CCDC102A: variants seen among roughly 807,000 people sequenced by gnomAD.
The protein encoded by CCDC102A is coiled-coil domain-containing protein 102A.
In CCDC102A, 40 loss-of-function variants were observed where a neutral mutation model predicts 55.5. That is an observed-to-expected ratio of 0.72 (90% CI 0.56 to 0.94). The LOEUF (loss-of-function observed/expected upper bound fraction) is 0.94, where lower values mean the gene tolerates loss of function less well. CCDC102A is among the 40% of genes least tolerant of loss of function. The pLI, the probability that CCDC102A is intolerant of heterozygous loss-of-function variation, is 0.00. For synonymous variants in CCDC102A, 323 were observed against 339.0 expected (o/e 0.95, Z 0.52); for missense variants, 779 against 768.6 (o/e 1.01, Z -0.16).
intron 3 of CCDC102A, among the ~76,000 whole-genome samples, chr16:57,523,072 CA>C (rs2032078700): frequency 6.6e-6 from 1 of 151,830 alleles, no homozygotes; most frequent in African/African-American, 2.4e-5. Context: ...GAGGCTGACA[CA>C]TGAGAATTGC....
At position 57,524,586 on chromosome 16, in the gene CCDC102A, T is replaced by C. The variant is rs79959023; in HGVS notation, c.812+1315A>G. Among the ~76,000 whole-genome samples, 412 of 61,084 alleles carry C rather than the reference T, an allele frequency of 6.7e-3. 5 individuals carry two copies. Among genetic ancestry groups the C allele is most frequent in the Middle Eastern group, 0.032 (4 of 124 alleles). 40.1% of individuals were successfully genotyped at this position (61,084 alleles called of 152,430 possible). ...AGTGAGGCTCTGTCTAAAAAAAATA[T>C]ATATATATATAGAGAGAGAGACAGG... On this transcript the variant is annotated intron_variant, in intron 3 of 8. Coordinates refer to ENST00000258214, the MANE Select transcript of CCDC102A (RefSeq NM_033212.4).
At chr16:57,531,819 C>T (rs1229779919) in intron 1 of CCDC102A, among the ~76,000 whole-genome samples, 1 of 152,200 alleles carries the variant, frequency 6.6e-6, no homozygotes, top group African/African-American at 2.4e-5. Context: ...CTTCTCCTGG[C>T]AAACGCCAAC....
chr16:57,524,896 C>T (rs893140652), intron 3 of CCDC102A, among the ~76,000 whole-genome samples: 1 of 152,150 alleles, frequency 6.6e-6, no homozygotes, highest in South Asian at 2.1e-4. Flanking sequence ...TCTTACTGAT[C>T]ACTCTGTCCT....
At chr16:57,519,327 T>C (rs1355452356) in intron 4 of CCDC102A, among the ~76,000 whole-genome samples, 2 of 152,312 alleles carry the variant, frequency 1.3e-5, no homozygotes, top group African/African-American at 4.8e-5. Context: ...ATGCCTCTTC[T>C]GCCCACCTGG....
Position 57,512,342 on chromosome 16 carries a change from C to T in CCDC102A, c.*399G>A, listed in dbSNP as rs1332264831. 3 of 399,168 alleles carry T rather than the reference C, an allele frequency of 7.5e-6. No individual in the cohort carries two copies. Among genetic ancestry groups the T allele is most frequent in the Non-Finnish European group, 1.3e-5 (3 of 226,512 alleles). The allele number at this position is 399,168 out of a possible 1,614,324, so 24.7% of individuals were successfully genotyped here. On this transcript the variant is annotated 3_prime_UTR_variant, in exon 9 of 9. Coordinates refer to ENST00000258214, the MANE Select transcript of CCDC102A (RefSeq NM_033212.4). The stretch of plus-strand genomic sequence containing the variant: ...TTATTACAAATAACTGGGTTCACTG[C>T]ATTGTATGATGAACAGCGAAGCCTA...
chr16:57,512,911 G>A, intron 8 of CCDC102A, 41 bp from the exon 9 acceptor site: 3 of 1,584,332 alleles, frequency 1.9e-6, no homozygotes, highest in Non-Finnish European at 1.7e-6. Flanking sequence ...CAGCCTGGCT[G>A]GTAGTCCCCC....
chr16:57,516,486 GGGAGGGA>G lies in CCDC102A; in HGVS notation c.1249-30_1249-24del. ...CTCCTACAGGGCACAGGGATGGGGT[GGGAGGGA>G]GGAGGGAATCAGTATCAGCTTGGGC... is the stretch of plus-strand genomic sequence containing the variant. On this transcript the variant is annotated intron_variant, in intron 6 of 8. Coordinates refer to ENST00000258214, the MANE Select transcript of CCDC102A (RefSeq NM_033212.4). The surrounding 1 kb of genome is among the most constrained non-coding windows in gnomAD (Gnocchi z 4.4). 4 of 1,587,886 alleles carry G rather than the reference GGGAGGGA, an allele frequency of 2.5e-6. No homozygotes were observed. Among genetic ancestry groups the G allele is most frequent in the Non-Finnish European group, 3.4e-6 (4 of 1,166,056 alleles).
chr16:57,524,344 A>G (rs1481848696), intron 3 of CCDC102A, among the ~76,000 whole-genome samples: 1 of 151,890 alleles, frequency 6.6e-6, no homozygotes, highest in African/African-American at 2.4e-5. Context: ...AGTGCTCTGG[A>G]ACCCCGACCA....
At chr16:57,530,171 C>T (rs1567606364) in intron 1 of CCDC102A, among the ~76,000 whole-genome samples, 1 of 152,088 alleles carries the variant, frequency 6.6e-6, no homozygotes, top group Non-Finnish European at 1.5e-5. Flanking sequence ...CCTTCTCTGC[C>T]GGAACCACCC....
At position 57,516,010 on chromosome 16, in the gene CCDC102A, CCT is replaced by C. The variant is rs1476408781; in HGVS notation, c.1419+281_1419+282del. ...TCCACCCATCCATCTGCCCGCCCTG[CCT>C]CTCTCTCCCATTCATCCATCCATTC... On this transcript the variant is annotated intron_variant, in intron 7 of 8. Transcript: ENST00000258214. This position sits in a 1 kb window ranked among gnomAD's most constrained non-coding sequence, Gnocchi z 4.4. Among the ~76,000 whole-genome samples, 1 of 152,116 alleles carries C rather than the reference CCT, an allele frequency of 6.6e-6. No individual in the cohort carries two copies. The highest frequency in any genetic ancestry group is 1.5e-5 in the Non-Finnish European group (1 of 68,024).
chr16:57,521,020 G>T, intron 4 of CCDC102A, 48 bp downstream of exon 4: 1 of 1,209,264 alleles, frequency 8.3e-7, no homozygotes, highest in South Asian at 1.2e-5. Context: ...AAATTCAACA[G>T]CGCGATCCTG....
At chr16:57,528,569 G>T (rs1444366528) in intron 2 of CCDC102A, 24 bp downstream of exon 2, 2 of 1,215,294 alleles carry the variant, frequency 1.6e-6, no homozygotes, top group East Asian at 4.0e-5. Context: ...ACTGGAGCGC[G>T]AACGCCCCGC....
At chr16:57,525,834 G>T in intron 3 of CCDC102A, 67 bp downstream of exon 3, 2 of 1,404,294 alleles carry the variant, frequency 1.4e-6, no homozygotes, top group Non-Finnish European at 2.0e-6. Flanking sequence ...CTAATGTTCT[G>T]TGATTCTGAG....
intron 3 of CCDC102A, 36 bp downstream of exon 3, chr16:57,525,865 C>T (rs2032130283): frequency 6.3e-7 from 1 of 1,585,834 alleles, no homozygotes; most frequent in Non-Finnish European, 8.6e-7. Flanking sequence ...CACGGCCTGG[C>T]CCTGGCCCTG....
chr16:57,528,587 G>A lies in CCDC102A; in HGVS notation c.585+6C>T, dbSNP rs1257082406. On this transcript the variant is annotated splice_donor_region_variant and intron_variant, in intron 2 of 8. Transcript: ENST00000258214. ...GGAGCGCGAACGCCCCGCCCGCGCCGCGCACCTGGCTGCCTGGCGGCCTCT... is the reference window on the plus strand; with the variant it reads ...GGAGCGCGAACGCCCCGCCCGCGCCACGCACCTGGCTGCCTGGCGGCCTCT... 7.2e-6 allele frequency: 9 copies of A among 1,243,404 alleles called. No homozygotes were observed. The African/African-American group carries it at 9.9e-5, about 14-fold the overall frequency. 77.0% of individuals were successfully genotyped at this position (1,243,404 alleles called of 1,614,324 possible).
intron 1 of CCDC102A, among the ~76,000 whole-genome samples, chr16:57,535,129 A>G (rs2032346878): frequency 6.6e-6 from 1 of 152,224 alleles, no homozygotes; most frequent in Non-Finnish European, 1.5e-5. Flanking sequence ...GAAACCACAG[A>G]GGACAGCCTG....
intron 1 of CCDC102A, among the ~76,000 whole-genome samples, chr16:57,531,671 T>C (rs995386367): frequency 6.6e-6 from 1 of 152,046 alleles, no homozygotes; most frequent in South Asian, 2.1e-4. Flanking sequence ...TACTCTCCAA[T>C]CCCAGCAGGA....
In CCDC102A at chr16:57,527,888, C is replaced by T. The variant is rs181863824; in HGVS notation, c.585+705G>A. On this transcript the variant is annotated intron_variant, in intron 2 of 8. Coordinates refer to ENST00000258214, the MANE Select transcript of CCDC102A (RefSeq NM_033212.4). ...TGCCTTTTTCCAAACTCACCAGGCC[C>T]TCTCGGCCTCTAGACTTTTTGCACA... Among the ~76,000 whole-genome samples the T allele has an allele frequency of 1.1e-4, 16 of 152,372 alleles. No individual in the cohort carries two copies. In the East Asian group the frequency reaches 3.1e-3, roughly 29 times the overall value.
rs770873224 is a variant in CCDC102A at position 57,515,352 on chromosome 16, G to A, written c.1512C>T (p.His504=). Residue 504 remains histidine, a synonymous_variant, in exon 8 of 9, where the codon CAC becomes CAT. Transcript: ENST00000258214. ...QSENLQVQLE[H]LQSRLRRQQQ... is the part of the protein sequence containing the mutation. ...TGCCCGGGGCCCACCTGGACTGCAG[G>A]TGCTCCAGTTGCACTTGCAGGTTCT... is the stretch of plus-strand genomic sequence containing the variant. The A allele has an allele frequency of 6.3e-7, 1 of 1,596,662 alleles. No homozygotes were observed. Among genetic ancestry groups the A allele is most frequent in the Non-Finnish European group, 8.5e-7 (1 of 1,170,410 alleles).
Sources: allele counts gnomAD v4.1 joint callset (sites outside exome capture counted in the v4.1 genomes callset), GRCh38; gene constraint gnomAD v4.1.1; non-coding constraint Gnocchi (gnomAD v3.1); transcripts MANE v1.5; gene names NCBI Gene and HGNC (gene_info 2026-07-23, HGNC 2026-07-21).